Variants in TTN observed in about 807,000 individuals in gnomAD.
The protein encoded by TTN is connectin.
TTN carries 1,525 observed loss-of-function variants against 3,223.0 expected under a neutral mutation model. That is an observed-to-expected ratio of 0.47 (90% CI 0.45 to 0.49). TTN has a LOEUF of 0.49. TTN is among the 20% of genes least tolerant of loss of function. The pLI is 0.00. For missense variants in TTN, 40,786 were observed against 43,424.0 expected (o/e 0.94, Z 5.40); for synonymous variants, 14,094 against 15,161.0 (o/e 0.93, Z 5.17).
chr2:178,565,781 G>C lies in TTN; in HGVS notation c.80351C>G (p.Pro26784Arg), dbSNP rs1553584164. 1.2e-6 allele frequency: 2 copies of C among 1,613,564 alleles called. No homozygotes were observed. Among genetic ancestry groups the C allele is most frequent in the Non-Finnish European group, 1.7e-6 (2 of 1,179,606 alleles). Residue 26784 changes from proline to arginine, a missense_variant, in exon 326 of 363, where the codon CCA (proline) becomes CGA (arginine). Physicochemically the swap from Pro to Arg is moderately radical, Grantham distance 103 (BLOSUM62 -2). Transcript: ENST00000589042. Reference sequence around the variant, plus strand: ...CACATCAGTGAGTGTAACCTTTCCTGGTGGGGAAGGAGGTTCAGCAGCTTT... The same window carrying C: ...CACATCAGTGAGTGTAACCTTTCCTCGTGGGGAAGGAGGTTCAGCAGCTTT... ...AVKAAEPPSP[P>R]GKVTLTDVSQ... is the part of the protein sequence containing the mutation.
At chr2:178,746,160 A>G (rs1265470959) in intron 47 of TTN, 1 of 1,613,222 alleles carries the variant, frequency 6.2e-7, no homozygotes. Flanking sequence ...TATTCTTTAT[A>G]CCACTTAACT....
chr2:178,557,319 C>G lies in TTN; in HGVS notation c.87943G>C (p.Glu29315Gln). ...GGTTTTCCAACTCCAGCAGCATTTT[C>G]TGCATACACCCTGAATTCATAAATA... ...GLIYEFRVYA[E>Q]NAAGVGKPSH... is the part of the protein sequence containing the mutation. The change falls in exon 329 of 363, where the codon GAA becomes CAA. Residue 29315 changes from glutamate to glutamine, a missense_variant. Coordinates refer to ENST00000589042, the MANE Select transcript of TTN (RefSeq NM_001267550.2). The G allele has an allele frequency of 6.2e-7, 1 of 1,613,964 alleles. No individual in the cohort carries two copies. Among genetic ancestry groups the G allele is most frequent in the African/African-American group, 1.3e-5 (1 of 75,066 alleles).
chr2:178,775,546 G>T lies in TTN; in HGVS notation c.6318C>A (p.Asp2106Glu). 4.3e-6 allele frequency: 7 copies of T among 1,613,962 alleles called. No individual in the cohort carries two copies. The highest frequency in any genetic ancestry group is 5.9e-6 in the Non-Finnish European group (7 of 1,179,972). Residue 2106 changes from aspartate to glutamate, a missense_variant, in exon 28 of 363, where the codon GAC becomes GAA. Transcript: ENST00000589042. The part of the protein sequence containing the change: ...HFRVRVVGKP[D>E]PECEWYKNGV... The stretch of plus-strand genomic sequence containing the variant: ...CATTTTTGTACCATTCACATTCGGG[G>T]TCTGGTTTCCCCACGACTCTGACCC...
At chr2:178,580,664 C>T (rs1317677390) in intron 316 of TTN, 55 bp from the exon 317 acceptor site, 1 of 1,517,208 alleles carries the variant, frequency 6.6e-7, no homozygotes, top group African/African-American at 1.4e-5. Flanking sequence ...AAATGTATTT[C>T]CAGGGACTGG....
Position 178,607,776 on chromosome 2 carries a change from G to T in TTN, c.53002+9C>A, listed in dbSNP as rs374671774. 1 of 1,612,662 alleles carries T rather than the reference G, an allele frequency of 6.2e-7. No individual in the cohort carries two copies. Among genetic ancestry groups the T allele is most frequent in the Non-Finnish European group, 8.5e-7 (1 of 1,179,248 alleles). On this transcript the variant is annotated intron_variant, in intron 276 of 362. Transcript: ENST00000589042. ...ATATCCATAATTTTATTCCAATAAC[G>T]TTAAGTACCTTGTGGTTCAGCCACA...
At position 178,684,013 on chromosome 2, in the gene TTN, T is replaced by G. The variant is rs370498307; in HGVS notation, c.32792A>C (p.Glu10931Ala). Reference protein sequence around the residue: ...VLKLKPKREEEPPAKVTEFRK... With the variant: ...VLKLKPKREEAPPAKVTEFRK... ...AGTCAGTATACCTTTAGCTGGTGGT[T>G]CCTCCTCTCTTTTAGGTTTGAGTTT... The change falls in exon 133 of 363, where the codon GAA becomes GCA. Residue 10931 changes from glutamate to alanine, a missense_variant. Transcript: ENST00000589042. The G allele has an allele frequency of 3.0e-5, 48 of 1,606,616 alleles. No homozygotes were observed. In the African/African-American group the frequency reaches 6.3e-4, roughly 21 times the overall value.
At position 178,740,760 on chromosome 2, in the gene TTN, T is replaced by G; in HGVS notation, c.12473A>C (p.Gln4158Pro). The G allele has an allele frequency of 6.2e-7, 1 of 1,613,748 alleles. No homozygotes were observed. The highest frequency in any genetic ancestry group is 2.2e-5 in the East Asian group (1 of 44,856). Residue 4158 changes from glutamine (Q) to proline (P), a missense_variant, in exon 48 of 363, where the codon CAG (glutamine) becomes CCG (proline). Gln to Pro is a moderately conservative substitution (Grantham distance 76). Coordinates refer to ENST00000589042, the MANE Select transcript of TTN (RefSeq NM_001267550.2). ...PNLQLQIVQS[Q>P]KTFSKEGILM... ...AATACCTTCTTTGGAGAAGGTTTTC[T>G]GGGACTGTACAATCTGCAGCTGTAG...
chr2:178,590,395 T>G lies in TTN; in HGVS notation c.61330A>C (p.Arg20444=), dbSNP rs2049952594. 2 of 1,603,578 alleles carry G rather than the reference T, an allele frequency of 1.2e-6. No homozygotes were observed. Among genetic ancestry groups the G allele is most frequent in the East Asian group, 4.5e-5 (2 of 44,676 alleles). ...ATATTAGCTGCCTTTATACGGAATC[T>G]GTACTCATTTCCTTCAATTAGTCCA... The part of the protein sequence containing the change: ...VPGLIEGNEY[R]FRIKAANIVG... The change falls in exon 304 of 363, where the codon AGA becomes CGA. Residue 20444 remains arginine, a synonymous_variant. Coordinates refer to ENST00000589042, the MANE Select transcript of TTN (RefSeq NM_001267550.2).
chr2:178,611,007 T>C lies in TTN; in HGVS notation c.51122A>G (p.Asn17041Ser), dbSNP rs774659339. The C allele has an allele frequency of 1.1e-5, 18 of 1,612,092 alleles. No homozygotes were observed. The highest frequency in any genetic ancestry group is 1.4e-5 in the Non-Finnish European group (17 of 1,178,972). The change falls in exon 270 of 363, where the codon AAT becomes AGT. Residue 17041 changes from asparagine (N) to serine (S), a missense_variant. Transcript: ENST00000589042. ...NKLGSATASI[N>S]VKVIGLPGPC... is the part of the protein sequence containing the mutation. The stretch of plus-strand genomic sequence containing the variant: ...AGAATGATTACCTATGACTTTGACA[T>C]TGATTGAGGCTGTTGCTGAGCCGAG...
intron 145 of TTN, 27 bp downstream of exon 145, chr2:178,678,098 C>A: frequency 6.3e-7 from 1 of 1,599,606 alleles, no homozygotes; most frequent in East Asian, 2.2e-5. Flanking sequence ...TTGTCTTTTA[C>A]CATGGCTCTG....
chr2:178,538,597 C>T lies in TTN; in HGVS notation c.99232G>A (p.Glu33078Lys), dbSNP rs771047688. The T allele has an allele frequency of 6.2e-7, 1 of 1,613,692 alleles. No individual in the cohort carries two copies. The highest frequency in any genetic ancestry group is 8.5e-7 in the Non-Finnish European group (1 of 1,179,704). Residue 33078 changes from glutamate to lysine, a missense_variant, in exon 354 of 363, where the codon GAG becomes AAG. Transcript: ENST00000589042. Reference protein sequence around the residue: ...EYEFRVFAENETGLSRPRRTA... With the variant: ...EYEFRVFAENKTGLSRPRRTA... ...CTGCGAGGTCTGCTCAGCCCAGTCTCATTCTCAGCAAAAACCCTGAATTCA... is the reference window on the plus strand; with the variant it reads ...CTGCGAGGTCTGCTCAGCCCAGTCTTATTCTCAGCAAAAACCCTGAATTCA...
At position 178,566,372 on chromosome 2, in the gene TTN, A is replaced by C; in HGVS notation, c.79760T>G (p.Leu26587Arg). Residue 26587 changes from leucine to arginine, a missense_variant, in exon 326 of 363, where the codon CTT becomes CGT. Leu to Arg is a moderately radical substitution (Grantham distance 102). Transcript: ENST00000589042. ...VPGTVKPEDK[L>R]EAPELDLDSE... ...GTCAAGGTCAAGTTCAGGTGCTTCA[A>C]GTTTATCTTCTGGTTTCACAGTACC... is the stretch of plus-strand genomic sequence containing the variant. 2 of 1,613,500 alleles carry C rather than the reference A, an allele frequency of 1.2e-6. No homozygotes were observed. Among genetic ancestry groups the C allele is most frequent in the Non-Finnish European group, 1.7e-6 (2 of 1,179,676 alleles).
In TTN at chr2:178,799,510, C is replaced by A; in HGVS notation, c.891G>T (p.Arg297=). 1 of 1,614,150 alleles carries A rather than the reference C, an allele frequency of 6.2e-7. No individual in the cohort carries two copies. The highest frequency in any genetic ancestry group is 1.3e-5 in the African/African-American group (1 of 75,052). ...RHSPSPVRHV[R]APTPSPVRSV... is the part of the protein sequence containing the mutation. Reference sequence around the variant, plus strand: ...ACCTGACCGGAGATGGGGTCGGTGCCCGCACGTGTCTGACCGGGGAAGGGG... The same window carrying A: ...ACCTGACCGGAGATGGGGTCGGTGCACGCACGTGTCTGACCGGGGAAGGGG... The change falls in exon 6 of 363, where the codon CGG becomes CGT. Residue 297 remains arginine (R), a synonymous_variant. Coordinates refer to ENST00000589042, the MANE Select transcript of TTN (RefSeq NM_001267550.2).
rs761773428 is a variant in TTN, at chr2:178,564,809, T to C, written c.81323A>G (p.His27108Arg). 4.3e-6 allele frequency: 7 copies of C among 1,612,964 alleles called. No homozygotes were observed. The highest frequency in any genetic ancestry group is 5.1e-6 in the Non-Finnish European group (6 of 1,179,434). The stretch of plus-strand genomic sequence containing the variant: ...ACTGTTCTTTTCTTTCTGTTCAAGA[T>C]GGTAGCCAATAATTTTGGTGCCTCC... Reference protein sequence around the residue: ...NDGGTKIIGYHLEQKEKNSIL... With the variant: ...NDGGTKIIGYRLEQKEKNSIL... Residue 27108 changes from histidine to arginine, a missense_variant, in exon 326 of 363, where the codon CAT (histidine) becomes CGT (arginine). Coordinates refer to ENST00000589042, the MANE Select transcript of TTN (RefSeq NM_001267550.2).
chr2:178,528,592 A>G lies in TTN; in HGVS notation c.107159T>C (p.Leu35720Pro). 6.2e-7 allele frequency: 1 copy of G among 1,613,156 alleles called. No individual in the cohort carries two copies. Among genetic ancestry groups the G allele is most frequent in the Non-Finnish European group, 8.5e-7 (1 of 1,179,486 alleles). Residue 35720 changes from leucine to proline, a missense_variant, in exon 360 of 363, where the codon CTC becomes CCC. Leu to Pro is a moderately conservative substitution (Grantham distance 98). Coordinates refer to ENST00000589042, the MANE Select transcript of TTN (RefSeq NM_001267550.2). ...CTCGCCACTGATTTCACAAGTAAAG[A>G]GAACATTTTGTCCTTCATTAATATT... ...SQNINEGQNV[L>P]FTCEISGEPS...
At position 178,538,459 on chromosome 2, in the gene TTN, G is replaced by A. The variant is rs1575339022; in HGVS notation, c.99289+81C>T. 1.9e-5 allele frequency: 26 copies of A among 1,345,682 alleles called. No individual in the cohort carries two copies. The South Asian group carries it at 3.5e-4, about 18-fold the overall frequency. The allele number at this position is 1,345,682 out of a possible 1,614,324, so 83.4% of individuals were successfully genotyped here. On this transcript the variant is annotated intron_variant, in intron 354 of 362. Coordinates refer to ENST00000589042, the MANE Select transcript of TTN (RefSeq NM_001267550.2). ...CTTGCTCTCCAATAAAGCTTTCCAG[G>A]GTTCTACTTAGTATAGAGGGGGAAT...
rs756034176 is a variant in TTN at position 178,715,016 on chromosome 2, C to T, written c.26170G>A (p.Asp8724Asn). The T allele has an allele frequency of 4.3e-6, 7 of 1,612,190 alleles. No individual in the cohort carries two copies. The South Asian group carries it at 5.5e-5, about 13-fold the overall frequency. Residue 8724 changes from aspartate to asparagine, a missense_variant, in exon 90 of 363, where the codon GAC (aspartate) becomes AAC (asparagine). By Grantham distance (23) the Asp-to-Asn change is conservative. Transcript: ENST00000589042. ...AGAGCGATGGAACCAACGCAAGTGTCGCTTCCCACATCATTTGTGGCTTTA... is the reference window on the plus strand; with the variant it reads ...AGAGCGATGGAACCAACGCAAGTGTTGCTTCCCACATCATTTGTGGCTTTA... Reference protein sequence around the residue: ...QCKATNDVGSDTCVGSIALKA... With the variant: ...QCKATNDVGSNTCVGSIALKA...
In TTN at chr2:178,582,300, T is replaced by C. The variant is rs1273385272; in HGVS notation, c.66156A>G (p.Pro22052=). 4 of 1,585,206 alleles carry C rather than the reference T, an allele frequency of 2.5e-6. No individual in the cohort carries two copies. Among genetic ancestry groups the C allele is most frequent in the Non-Finnish European group, 3.4e-6 (4 of 1,169,674 alleles). ...VFTEPAIAKN[P]YDPPGRCDPP... is the part of the protein sequence containing the mutation. ...ACCACCGGGAAATGTTCCTACCATA[T>C]GGGTTTTTGGCAATTGCTGGTTCAG... Residue 22052 remains proline (P), a synonymous_variant, in exon 314 of 363, where the codon CCA becomes CCG. Transcript: ENST00000589042.
chr2:178,730,409 A>G (rs2080238553), intron 61 of TTN, 38 bp from the exon 62 acceptor site: 10 of 1,552,326 alleles, frequency 6.4e-6, no homozygotes, highest in Non-Finnish European at 8.7e-6. Context: ...GAAAATAGGA[A>G]GTTTTATTTT....
Sources: allele counts gnomAD v4.1 joint callset, GRCh38; gene constraint gnomAD v4.1.1; transcripts MANE v1.5; gene names NCBI Gene and HGNC (gene_info 2026-07-23, HGNC 2026-07-21).